The following TMEM132D variants were observed in gnomAD, a reference collection of about 807,000 sequenced individuals.
The protein encoded by TMEM132D is transmembrane protein 132D.
In TMEM132D, 21 loss-of-function variants were observed where a neutral mutation model predicts 62.3. That is an observed-to-expected ratio of 0.34 (90% CI 0.24 to 0.49). TMEM132D has a LOEUF of 0.49. Among genes scored for constraint, TMEM132D ranks in the 20% least tolerant of loss-of-function variants. TMEM132D has a pLI of 0.99. For missense variants in TMEM132D, 1,346 were observed against 1,402.8 expected, an observed-to-expected ratio of 0.96 and a Z score of 0.65; for synonymous variants, 621 against 575.6, an observed-to-expected ratio of 1.08 and a Z score of -1.13.
chr12:129,593,588 G>A (rs539306822), intron 2 of TMEM132D, among the ~76,000 whole-genome samples: 1 of 152,294 alleles, frequency 6.6e-6, no homozygotes, highest in Admixed American at 6.5e-5. Context: ...AATTCTTGAT[G>A]ACAAACCCTG....
chr12:129,401,926 C>T (rs1216529369), intron 3 of TMEM132D, among the ~76,000 whole-genome samples: 1 of 152,194 alleles, frequency 6.6e-6, no homozygotes, highest in African/African-American at 2.4e-5. Context: ...GCTTCCTCTC[C>T]TCTCCACAGG....
Position 129,073,646 on chromosome 12 carries a change from T to G in TMEM132D, c.*229A>C. On this transcript the variant is annotated 3_prime_UTR_variant, in exon 9 of 9. Transcript: ENST00000422113. ...GTTTTTGTTTCAAGTCTTAAAAATC[T>G]TGCCATGCATGATAAACCTCTTAAG... 1 of 417,228 alleles carries G rather than the reference T, an allele frequency of 2.4e-6. No homozygotes were observed. Among genetic ancestry groups the G allele is most frequent in the Middle Eastern group, 6.2e-4 (1 of 1,620 alleles). 25.8% of individuals were successfully genotyped at this position (417,228 alleles called of 1,614,324 possible).
At chr12:129,801,410 A>G (rs1162081550) in intron 1 of TMEM132D, among the ~76,000 whole-genome samples, 1 of 151,002 alleles carries the variant, frequency 6.6e-6, no homozygotes, top group Non-Finnish European at 1.5e-5. Flanking sequence ...ACTGGGAGGC[A>G]CCCCCCAGCA....
intron 5 of TMEM132D, among the ~76,000 whole-genome samples, chr12:129,108,324 G>A (rs550852552): frequency 2.0e-5 from 3 of 152,276 alleles, no homozygotes; most frequent in East Asian, 3.9e-4. Context: ...CTTCCTGAAA[G>A]TTTTATTTTC....
chr12:129,427,136 T>C (rs961096236), intron 3 of TMEM132D, among the ~76,000 whole-genome samples: 6 of 152,214 alleles, frequency 3.9e-5, no homozygotes, highest in African/African-American at 1.4e-4. Context: ...CTTGTTTGCA[T>C]GTTTACCATC....
chr12:129,605,235 C>T (rs902734596), intron 2 of TMEM132D, among the ~76,000 whole-genome samples: 2 of 152,090 alleles, frequency 1.3e-5, no homozygotes, highest in African/African-American at 2.4e-5. Context: ...TGGGACATGA[C>T]GGGCATGGTT....
At chr12:129,885,210 A>G (rs1466566034) in intron 1 of TMEM132D, among the ~76,000 whole-genome samples, 1 of 152,244 alleles carries the variant, frequency 6.6e-6, no homozygotes, top group African/African-American at 2.4e-5. Flanking sequence ...TTACCAGACC[A>G]TATGTATTTC....
chr12:129,452,855 A>C (rs1873339286), intron 3 of TMEM132D, among the ~76,000 whole-genome samples: 1 of 152,184 alleles, frequency 6.6e-6, no homozygotes, highest in South Asian at 2.1e-4. Flanking sequence ...TTTCTTTCGT[A>C]ACATTTAAAA....
At chr12:129,843,865 G>T (rs1566005678) in intron 1 of TMEM132D, among the ~76,000 whole-genome samples, 1 of 152,026 alleles carries the variant, frequency 6.6e-6, no homozygotes, top group Non-Finnish European at 1.5e-5. Context: ...GAGGTGGGGG[G>T]ATTGCTTGAG....
At chr12:129,878,453 G>A (rs150761674) in intron 1 of TMEM132D, among the ~76,000 whole-genome samples, 61 of 152,302 alleles carry the variant, frequency 4.0e-4, no homozygotes, top group African/African-American at 1.1e-3. Flanking sequence ...GCTCCATGTC[G>A]CTGGTTTTAG....
At chr12:129,528,431 C>CAAA (rs200147997) in intron 3 of TMEM132D, among the ~76,000 whole-genome samples, 1 of 133,200 alleles carries the variant, frequency 7.5e-6, no homozygotes, top group Non-Finnish European at 1.6e-5. Context: ...ATGCACACAG[C>CAAA]AAAAAAAAAA....
At chr12:129,373,173 G>C (rs1870667611) in intron 3 of TMEM132D, among the ~76,000 whole-genome samples, 1 of 152,120 alleles carries the variant, frequency 6.6e-6, no homozygotes, top group South Asian at 2.1e-4. Context: ...GAATATGACA[G>C]CACTTCATCC....
chr12:129,219,468 T>C (rs1411643954), intron 4 of TMEM132D, among the ~76,000 whole-genome samples: 1 of 152,090 alleles, frequency 6.6e-6, no homozygotes, highest in East Asian at 1.9e-4. Flanking sequence ...CTCACATGGG[T>C]GCAACTGCCC....
intron 5 of TMEM132D, among the ~76,000 whole-genome samples, chr12:129,147,801 C>A (rs893576196): frequency 6.6e-6 from 1 of 152,196 alleles, no homozygotes; most frequent in Non-Finnish European, 1.5e-5. Flanking sequence ...TTCTTGTAAG[C>A]AGCAAGCTTT....
rs573105097 is a variant in TMEM132D at position 129,805,427 on chromosome 12, A to C, written c.79+97834T>G. 5.4e-3 allele frequency among the ~76,000 whole-genome samples: 829 copies of C among 152,236 alleles called. 4 individuals carry two copies. Among genetic ancestry groups the C allele is most frequent in the Admixed American group, 9.7e-3 (148 of 15,296 alleles). On this transcript the variant is annotated intron_variant, in intron 1 of 8. Coordinates refer to ENST00000422113, the MANE Select transcript of TMEM132D (RefSeq NM_133448.3). ...TCTGATCTTTGACAAACCTGAGAAA[A>C]ACAAGCAATGGGGAAAGGATTCCCT...
chr12:129,429,367 T>TTTTGTTGG lies in TMEM132D; in HGVS notation c.1116-91551_1116-91550insCCAACAAA, dbSNP rs113813121. ...TAATAGAGGAAATTGCTTTATAGTT[T>TTTTGTTGG]TTTGTTTGTTTGTTTGTTTGTTTGT... On this transcript the variant is annotated intron_variant, in intron 3 of 8. Coordinates refer to ENST00000422113, the MANE Select transcript of TMEM132D (RefSeq NM_133448.3). 8.6e-4 allele frequency among the ~76,000 whole-genome samples: 130 copies of TTTTGTTGG among 151,734 alleles called. No individual in the cohort carries two copies. In the South Asian group the frequency reaches 0.011, roughly 13 times the overall value.
intron 2 of TMEM132D, among the ~76,000 whole-genome samples, chr12:129,621,354 C>G (rs969770493): frequency 6.6e-6 from 1 of 152,160 alleles, no homozygotes; most frequent in Admixed American, 6.5e-5. Flanking sequence ...CATGCTGCCA[C>G]GATGCTCTCT....
chr12:129,794,457 A>T (rs1871502597), intron 1 of TMEM132D, among the ~76,000 whole-genome samples: 1 of 152,022 alleles, frequency 6.6e-6, no homozygotes, highest in African/African-American at 2.4e-5. Context: ...CTTCTTTTAA[A>T]TATTTGCCTG....
At chr12:129,480,061 G>A (rs1248151453) in intron 3 of TMEM132D, among the ~76,000 whole-genome samples, 1 of 148,520 alleles carries the variant, frequency 6.7e-6, no homozygotes, top group Non-Finnish European at 1.5e-5. Flanking sequence ...CTAGAGATTT[G>A]AAGAAAGTTC....
Sources: gnomAD v4.1 joint callset for allele counts (sites outside exome capture counted in the v4.1 genomes callset) on GRCh38, gnomAD v4.1.1 for gene constraint, MANE v1.5 for transcripts, NCBI Gene and HGNC (gene_info 2026-07-23, HGNC 2026-07-21) for gene names.